Variants in BTBD9 observed in about 807,000 individuals in gnomAD.
BTBD9 encodes BTB/POZ domain-containing protein 9.
A neutral mutation model predicts 64.3 loss-of-function variants in BTBD9; 49 were observed. That is an observed-to-expected ratio of 0.76 (90% CI 0.61 to 0.97). The LOEUF (loss-of-function observed/expected upper bound fraction) is 0.97, where lower values mean the gene tolerates loss of function less well. Among genes scored for constraint, BTBD9 ranks in the 50% least tolerant of loss-of-function variants. The probability of loss-of-function intolerance (pLI) is 0.00; values close to 1 mark genes in which losing one functional copy is unlikely to be tolerated. For missense variants in BTBD9, 598 were observed against 762.1 expected (o/e 0.78, Z 2.53); for synonymous variants, 260 against 274.7 (o/e 0.95, Z 0.53).
At chr6:38,607,155 T>C (rs1173291452) in intron 1 of BTBD9, among the ~76,000 whole-genome samples, 1 of 152,176 alleles carries the variant, frequency 6.6e-6, no homozygotes, top group South Asian at 2.1e-4. Context: ...GGAACTGCAA[T>C]GTACAATCTA....
intron 9 of BTBD9, among the ~76,000 whole-genome samples, chr6:38,231,140 A>T (rs962955278): frequency 1.2e-4 from 18 of 152,188 alleles, no homozygotes; most frequent in South Asian, 4.1e-4. Context: ...ATTTGCTATG[A>T]CCTAACTTGC....
At position 38,171,863 on chromosome 6, in the gene BTBD9, AAAAAAAAAAAAAAAAAAAATAATAAT is replaced by A. The variant is rs1561821490; in HGVS notation, c.*3096_*3121del. 1.2e-5 allele frequency: 1 copy of A among 80,578 alleles called. No individual in the cohort carries two copies. Among genetic ancestry groups the A allele is most frequent in the Non-Finnish European group, 2.8e-5 (1 of 36,166 alleles). The allele number at this position is 80,578 out of a possible 1,614,324, so 5.0% of individuals were successfully genotyped here. On this transcript the variant is annotated 3_prime_UTR_variant, in exon 11 of 11. Transcript: ENST00000481247. ...TCTACTCTCAAAAAAAAAAAAAAAA[AAAAAAAAAAAAAAAAAAAATAATAAT>A]AATAATAATAATAATAATAATGAAA...
chr6:38,408,910 C>T (rs763122903), intron 6 of BTBD9, among the ~76,000 whole-genome samples: 12 of 151,568 alleles, frequency 7.9e-5, no homozygotes, highest in Non-Finnish European at 1.5e-5. Context: ...AATTCTAATG[C>T]TTAGGTACTA....
At position 38,586,240 on chromosome 6, in the gene BTBD9, C is replaced by G. The variant is rs553121044; in HGVS notation, c.815-5803G>C. On this transcript the variant is annotated intron_variant, in intron 4 of 10. Transcript: ENST00000481247. ...AGCTAAGACAAAGCTAAATGTTTGG[C>G]AGAGGTACAGGTAGTTCAAATATCC... Among the ~76,000 whole-genome samples, 6 of 151,984 alleles carry G rather than the reference C, an allele frequency of 3.9e-5. No individual in the cohort carries two copies. In the South Asian group the frequency reaches 6.2e-4, roughly 16 times the overall value.
intron 9 of BTBD9, among the ~76,000 whole-genome samples, chr6:38,202,085 G>GTTT (rs147043026): frequency 1.4e-4 from 17 of 120,610 alleles, no homozygotes; most frequent in East Asian, 3.3e-4. Flanking sequence ...CGTTTTTTTT[G>GTTT]TTTTTTTTTT....
chr6:38,592,293 C>T (rs1776829453), intron 4 of BTBD9, among the ~76,000 whole-genome samples: 1 of 152,202 alleles, frequency 6.6e-6, no homozygotes, highest in South Asian at 2.1e-4. Context: ...ACATGAGCAG[C>T]AGCTTTTTAG....
intron 6 of BTBD9, among the ~76,000 whole-genome samples, chr6:38,516,540 G>C (rs1235970226): frequency 1.3e-5 from 2 of 152,188 alleles, no homozygotes; most frequent in Admixed American, 1.3e-4. Flanking sequence ...ACTGCCCAGT[G>C]TAGGCAATTC....
intron 6 of BTBD9, among the ~76,000 whole-genome samples, chr6:38,370,743 T>C (rs1212486499): frequency 6.6e-6 from 1 of 152,214 alleles, no homozygotes; most frequent in African/African-American, 2.4e-5. Context: ...AAATTCACAC[T>C]AACAGCAGAT....
In BTBD9 at chr6:38,183,580, C is replaced by A. The variant is rs560851097; in HGVS notation, c.1642-8398G>T. On this transcript the variant is annotated intron_variant, in intron 10 of 10. Transcript: ENST00000481247. ...GCTTCTAGAGCCTCCACACCCCTTT[C>A]TTCTTAGCCTGGCTCTTCTGAGGCA... Among the ~76,000 whole-genome samples, 111 of 152,348 alleles carry A rather than the reference C, an allele frequency of 7.3e-4. No homozygotes were observed. The Middle Eastern group carries it at 0.01, about 14-fold the overall frequency.
intron 7 of BTBD9, among the ~76,000 whole-genome samples, chr6:38,341,623 T>C (rs905987269): frequency 3.9e-5 from 6 of 152,186 alleles, no homozygotes; most frequent in Admixed American, 3.3e-4. Context: ...AGTGGAGTGC[T>C]AAGGCAAAGT....
intron 6 of BTBD9, among the ~76,000 whole-genome samples, chr6:38,498,983 A>C (rs1772077758): frequency 6.6e-6 from 1 of 152,210 alleles, no homozygotes; most frequent in Non-Finnish European, 1.5e-5. Context: ...ATAGTAATGA[A>C]TGATCTAACA....
Position 38,589,820 on chromosome 6 carries a change from T to C in BTBD9, c.814+2756A>G, listed in dbSNP as rs146829460. ...CCCTATCGTGAGCTACCATTGACCATTGGATCCATAGGAAAGCTCTCTCCT... is the reference window on the plus strand; with the variant it reads ...CCCTATCGTGAGCTACCATTGACCACTGGATCCATAGGAAAGCTCTCTCCT... On this transcript the variant is annotated intron_variant, in intron 4 of 10. Transcript: ENST00000481247. Among the ~76,000 whole-genome samples, 392 of 152,310 alleles carry C rather than the reference T, an allele frequency of 2.6e-3. 2 individuals are homozygous for C. The highest frequency in any genetic ancestry group is 8.9e-3 in the African/African-American group (368 of 41,574).
At chr6:38,636,444 C>T (rs1778529463) in intron 1 of BTBD9, among the ~76,000 whole-genome samples, 1 of 152,176 alleles carries the variant, frequency 6.6e-6, no homozygotes, top group Admixed American at 6.5e-5. Context: ...ATTATTTCTT[C>T]TCTCCACTTC....
chr6:38,286,125 G>T (rs1235318601), intron 8 of BTBD9, among the ~76,000 whole-genome samples: 1 of 152,146 alleles, frequency 6.6e-6, no homozygotes, highest in African/African-American at 2.4e-5. Context: ...CTGGCCTGAG[G>T]TACAAACTCG....
intron 6 of BTBD9, among the ~76,000 whole-genome samples, chr6:38,409,385 G>A (rs1324768671): frequency 1.3e-5 from 2 of 152,196 alleles, no homozygotes; most frequent in African/African-American, 2.4e-5. Context: ...CATTAGTTTT[G>A]AAATGGGAGA....
chr6:38,616,883 A>C (rs573067244), intron 1 of BTBD9, among the ~76,000 whole-genome samples: 60 of 152,286 alleles, frequency 3.9e-4, no homozygotes, highest in African/African-American at 1.3e-3. Flanking sequence ...AACACCACAA[A>C]GGTCCGCAGC....
intron 9 of BTBD9, among the ~76,000 whole-genome samples, chr6:38,241,442 C>T (rs1167868128): frequency 6.6e-6 from 1 of 152,194 alleles, no homozygotes; most frequent in Non-Finnish European, 1.5e-5. Context: ...CTCATCAGGT[C>T]AAGATTGCTA....
At chr6:38,383,511 T>C (rs1467787188) in intron 6 of BTBD9, among the ~76,000 whole-genome samples, 3 of 152,100 alleles carry the variant, frequency 2.0e-5, no homozygotes, top group Non-Finnish European at 4.4e-5. Flanking sequence ...TTCTATACAT[T>C]CTGCAGCAAG....
At chr6:38,360,227 C>T (rs1368583083) in intron 6 of BTBD9, among the ~76,000 whole-genome samples, 1 of 152,050 alleles carries the variant, frequency 6.6e-6, no homozygotes, top group South Asian at 2.1e-4. Flanking sequence ...AATAACAGTA[C>T]CTAACTTTGT....
Sources: allele counts gnomAD v4.1 joint callset (sites outside exome capture counted in the v4.1 genomes callset), GRCh38; gene constraint gnomAD v4.1.1; transcripts MANE v1.5; gene names NCBI Gene and HGNC (gene_info 2026-07-23, HGNC 2026-07-21).